Variants in SSBP1 observed in about 807,000 individuals in gnomAD.
SSBP1 encodes the protein single stranded DNA binding protein 1.
A neutral mutation model predicts 27.0 loss-of-function variants in SSBP1; 20 were observed. That is an observed-to-expected ratio of 0.74 (90% CI 0.52 to 1.08). The LOEUF (loss-of-function observed/expected upper bound fraction) is 1.08, where lower values mean the gene tolerates loss of function less well. Among genes scored for constraint, SSBP1 ranks in the 50% least tolerant of loss-of-function variants. The pLI is 0.00. For synonymous variants in SSBP1, 59 were observed against 59.3 expected, an observed-to-expected ratio of 1.00 and a Z score of 0.02; for missense variants, 137 against 182.4, an observed-to-expected ratio of 0.75 and a Z score of 1.44.
At chr7:141,743,468 G>T in intron 3 of SSBP1, 93 bp from the exon 4 acceptor site, 1 of 1,445,096 alleles carries the variant, frequency 6.9e-7, no homozygotes, top group Non-Finnish European at 9.5e-7. Context: ...TTACATTGAG[G>T]GTTAGAGCTT....
chr7:141,748,170 C>T (rs1799853077), intron 6 of SSBP1, among the ~76,000 whole-genome samples: 2 of 151,982 alleles, frequency 1.3e-5, no homozygotes, highest in African/African-American at 4.8e-5. Context: ...TATTTTGAAA[C>T]AGATTCTAGA....
rs184801486 is a variant in SSBP1, at chr7:141,745,717, A to G, written c.403+133A>G. 3,111 of 1,413,670 alleles carry G rather than the reference A, an allele frequency of 2.2e-3. 3 individuals carry two copies. The highest frequency in any genetic ancestry group is 2.7e-3 in the Non-Finnish European group (2,899 of 1,078,906). 87.6% of individuals were successfully genotyped at this position (1,413,670 alleles called of 1,614,324 possible). A position where few individuals can be genotyped will look rare whatever the true frequency, so the allele number is the denominator to read the frequency against. On this transcript the variant is annotated intron_variant, in intron 6 of 6. Coordinates refer to ENST00000265304, the MANE Select transcript of SSBP1 (RefSeq NM_003143.3). The stretch of plus-strand genomic sequence containing the variant: ...TAAGGCAACTCACTAGAAGATGTCC[A>G]TAACTCTTATTTCTCTACTTGCTAA...
chr7:141,750,202 A>C, intron 6 of SSBP1, 109 bp from the exon 7 acceptor site: 1 of 796,814 alleles, frequency 1.3e-6, no homozygotes, highest in Non-Finnish European at 2.0e-6. Flanking sequence ...AAAGATGGCT[A>C]AAATCCTTTT....
chr7:141,742,373 A>C, intron 3 of SSBP1, 144 bp downstream of exon 3: 1 of 612,668 alleles, frequency 1.6e-6, no homozygotes, highest in Non-Finnish European at 3.0e-6. Context: ...CTTAGCCTTG[A>C]CACATCAGGC....
chr7:141,744,240 C>T (rs755783238), intron 5 of SSBP1, among the ~76,000 whole-genome samples: 14 of 152,196 alleles, frequency 9.2e-5, no homozygotes, highest in Non-Finnish European at 1.8e-4. Context: ...AGGGTGTGTA[C>T]ATAAATAGAA....
chr7:141,744,094 C>T (rs1799674031), intron 5 of SSBP1, 105 bp downstream of exon 5: 3 of 911,046 alleles, frequency 3.3e-6, no homozygotes, highest in Admixed American at 5.8e-5. Flanking sequence ...CTGAGTACTA[C>T]TAATGACTGT....
chr7:141,739,268 C>A lies in SSBP1; in HGVS notation c.24+78C>A, dbSNP rs375752072. On this transcript the variant is annotated intron_variant, in intron 2 of 6. Transcript: ENST00000265304. Reference sequence around the variant, plus strand: ...TCAGAAGACTTCTTTAGGCTTTTAACTACAGGGGCAAAAGACCTTTGAGCT... The same window carrying A: ...TCAGAAGACTTCTTTAGGCTTTTAAATACAGGGGCAAAAGACCTTTGAGCT... 1.0e-4 allele frequency: 131 copies of A among 1,260,620 alleles called. No homozygotes were observed. In the African/African-American group the frequency reaches 1.8e-3, roughly 17 times the overall value. The allele number at this position is 1,260,620 out of a possible 1,614,324, so 78.1% of individuals were successfully genotyped here.
At chr7:141,744,709 C>T (rs963595108) in intron 5 of SSBP1, among the ~76,000 whole-genome samples, 1 of 151,962 alleles carries the variant, frequency 6.6e-6, no homozygotes, top group African/African-American at 2.4e-5. Flanking sequence ...TCTTCATTGC[C>T]CTTTATGTAT....
chr7:141,747,957 C>T (rs1584771325), intron 6 of SSBP1, among the ~76,000 whole-genome samples: 1 of 142,776 alleles, frequency 7.0e-6, no homozygotes, highest in African/African-American at 2.6e-5. Context: ...GAGATCACAC[C>T]ACTGCACTCC....
chr7:141,746,075 C>A, intron 6 of SSBP1: 1 of 669,328 alleles, frequency 1.5e-6, no homozygotes, highest in Non-Finnish European at 1.8e-6. Flanking sequence ...GGCTGGAGTG[C>A]AATGGCACAA....
At position 141,743,721 on chromosome 7, in the gene SSBP1, G is replaced by A; in HGVS notation, c.226+20G>A. 6.2e-7 allele frequency: 1 copy of A among 1,609,168 alleles called. No individual in the cohort carries two copies. On this transcript the variant is annotated intron_variant, in intron 4 of 6. Transcript: ENST00000265304. Reference sequence around the variant, plus strand: ...AACTGGGTGAGTACAAAAGACTGGGGTTTTAATTTTATCAGCAATAAATAG... The same window carrying A: ...AACTGGGTGAGTACAAAAGACTGGGATTTTAATTTTATCAGCAATAAATAG...
chr7:141,743,076 C>A (rs542144253), intron 3 of SSBP1, among the ~76,000 whole-genome samples: 98 of 152,156 alleles, frequency 6.4e-4, no homozygotes, highest in East Asian at 3.7e-3. Context: ...CATGGTCTCT[C>A]TCTCCTGACC....
At chr7:141,742,622 A>G (rs1799586455) in intron 3 of SSBP1, among the ~76,000 whole-genome samples, 1 of 151,780 alleles carries the variant, frequency 6.6e-6, no homozygotes, top group African/African-American at 2.4e-5. Flanking sequence ...ACAGTCAGTT[A>G]AAAAAGATAT....
At chr7:141,745,961 A>G (rs888937836) in intron 6 of SSBP1, 6 of 1,002,904 alleles carry the variant, frequency 6.0e-6, no homozygotes, top group Non-Finnish European at 7.1e-6. Context: ...GAGTGTGCAG[A>G]TTTATTCGGA....
At chr7:141,747,609 C>T (rs376460911) in intron 6 of SSBP1, among the ~76,000 whole-genome samples, 10 of 151,500 alleles carry the variant, frequency 6.6e-5, no homozygotes, top group Admixed American at 1.3e-4. Context: ...AGGCTGGTCT[C>T]GAACTCCTGA....
intron 6 of SSBP1, chr7:141,746,029 T>A (rs960967528): frequency 1.0e-6 from 1 of 962,938 alleles, no homozygotes; most frequent in Non-Finnish European, 1.2e-6. Flanking sequence ...TTTTTAATTT[T>A]ATTTTTTTTG....
intron 6 of SSBP1, among the ~76,000 whole-genome samples, chr7:141,747,985 A>G (rs2117195113): frequency 6.9e-6 from 1 of 145,684 alleles, no homozygotes; most frequent in Non-Finnish European, 1.5e-5. Context: ...GCAATAGAGG[A>G]AGACTCTCTC....
intron 6 of SSBP1, among the ~76,000 whole-genome samples, chr7:141,747,837 A>G (rs1187475163): frequency 6.6e-6 from 1 of 151,392 alleles, no homozygotes; most frequent in East Asian, 2.0e-4. Context: ...GTCTCTACAC[A>G]AAATGCAAAA....
rs1046199739 is a variant in SSBP1, at chr7:141,743,746, G to T, written c.226+45G>T. 2.1e-5 allele frequency: 33 copies of T among 1,575,472 alleles called. No homozygotes were observed. In the Middle Eastern group the frequency reaches 6.7e-4, roughly 32 times the overall value. ...GTTTTAATTTTATCAGCAATAAATA[G>T]ATATTATTTATTGCCAGTTATCTAA... On this transcript the variant is annotated intron_variant, in intron 4 of 6. Coordinates refer to ENST00000265304, the MANE Select transcript of SSBP1 (RefSeq NM_003143.3).
Sources: gnomAD v4.1 joint callset for allele counts (sites outside exome capture counted in the v4.1 genomes callset) on GRCh38, gnomAD v4.1.1 for gene constraint, MANE v1.5 for transcripts, NCBI Gene and HGNC (gene_info 2026-07-23, HGNC 2026-07-21) for gene names.